Variants in RYR1 observed in about 807,000 individuals in gnomAD.
The protein encoded by RYR1 is central core disease of muscle.
A neutral mutation model predicts 583.5 loss-of-function variants in RYR1; 342 were observed. The ratio of observed to expected loss-of-function variants is 0.59; its 90% CI spans 0.54 to 0.64. The LOEUF (loss-of-function observed/expected upper bound fraction) is 0.64, where lower values mean the gene tolerates loss of function less well. RYR1 is among the 30% of genes least tolerant of loss of function. The pLI, the probability that RYR1 is intolerant of heterozygous loss-of-function variation, is 0.00. For synonymous variants in RYR1, 2,791 were observed against 2,822.5 expected, an observed-to-expected ratio of 0.99 and a Z score of 0.35; for missense variants, 6,032 against 6,917.2, an observed-to-expected ratio of 0.87 and a Z score of 4.54.
chr19:38,466,065 C>A, intron 23 of RYR1, 26 bp from the exon 24 acceptor site: 1 of 1,591,228 alleles, frequency 6.3e-7, no homozygotes, highest in South Asian at 1.1e-5. Context: ...AGGGCCTTGT[C>A]CCATGGAGCC....
At chr19:38,550,375 A>G (rs906964813) in intron 89 of RYR1, among the ~76,000 whole-genome samples, 1 of 152,128 alleles carries the variant, frequency 6.6e-6, no homozygotes, top group Non-Finnish European at 1.5e-5. Flanking sequence ...AATGTCGTTC[A>G]GTGTGGGTTT....
Position 38,478,616 on chromosome 19 carries a change from A to T in RYR1, c.4620+16A>T, listed in dbSNP as rs761716875. 6.2e-7 allele frequency: 1 copy of T among 1,607,082 alleles called. No homozygotes were observed. The highest frequency in any genetic ancestry group is 8.5e-7 in the Non-Finnish European group (1 of 1,179,938). On this transcript the variant is annotated intron_variant, in intron 31 of 105. Transcript: ENST00000359596. The stretch of plus-strand genomic sequence containing the variant: ...CTTTTTCCAGGTGAGTCCAGGCCAC[A>T]GCAATTTAGCGAGAGCATCATGTCC...
chr19:38,527,826 G>A (rs777601526), intron 73 of RYR1, 42 bp downstream of exon 73: 3 of 1,610,780 alleles, frequency 1.9e-6, no homozygotes, highest in South Asian at 2.2e-5. Flanking sequence ...GTCTCTGGGC[G>A]GAGCCTGGCG....
Position 38,507,228 on chromosome 19 carries a change from A to G in RYR1, c.8816+276A>G, listed in dbSNP as rs60530219. 0.057 allele frequency among the ~76,000 whole-genome samples: 8,234 copies of G among 144,562 alleles called. 361 individuals carry two copies. The highest frequency in any genetic ancestry group is 0.22 in the South Asian group (987 of 4,466). The allele number at this position is 144,562 out of a possible 152,430, so 94.8% of individuals were successfully genotyped here. On this transcript the variant is annotated intron_variant, in intron 57 of 105. Transcript: ENST00000359596. The stretch of plus-strand genomic sequence containing the variant: ...CCAGGGAGCAGAGGCGGGGCCAGAG[A>G]GTGGAGGAGACTGAGAGGGGCGGGG...
At chr19:38,463,023 A>G (rs540177533) in intron 20 of RYR1, among the ~76,000 whole-genome samples, 2 of 146,822 alleles carry the variant, frequency 1.4e-5, no homozygotes, top group African/African-American at 5.0e-5. Flanking sequence ...TAGCCTCCCA[A>G]GTAACTGGGA....
Position 38,460,563 on chromosome 19 carries a change from T to G in RYR1, c.2549T>G (p.Phe850Cys). The G allele has an allele frequency of 1.9e-6, 3 of 1,613,300 alleles. No homozygotes were observed. Among genetic ancestry groups the G allele is most frequent in the Non-Finnish European group, 2.5e-6 (3 of 1,180,038 alleles). Residue 850 changes from phenylalanine (F) to cysteine (C), a missense_variant, in exon 20 of 106, where the codon TTC becomes TGC. Phe to Cys is a radical substitution (Grantham distance 205). Around this residue, in one of 11 missense-constraint regions of RYR1, gnomAD observed 2,627 missense variants for 2,961.3 expected, o/e 0.89. Coordinates refer to ENST00000359596, the MANE Select transcript of RYR1 (RefSeq NM_000540.3). ...GPSRCLSHTD[F>C]VPCPVDTVQI... The stretch of plus-strand genomic sequence containing the variant: ...AGTCGCTGCCTCTCACACACCGACT[T>G]CGTGCCCTGCCCTGTGGACACTGTC...
intron 31 of RYR1, among the ~76,000 whole-genome samples, chr19:38,479,149 G>A (rs568952280): frequency 3.9e-5 from 6 of 152,284 alleles, no homozygotes; most frequent in African/African-American, 1.4e-4. Flanking sequence ...TCTCCAACCA[G>A]GGAACACGCT....
At chr19:38,501,812 T>A (rs780178509) in intron 47 of RYR1, among the ~76,000 whole-genome samples, 3 of 152,046 alleles carry the variant, frequency 2.0e-5, no homozygotes, top group African/African-American at 4.8e-5. Flanking sequence ...GGAGAGATCC[T>A]GTCTCTACAA....
Position 38,496,188 on chromosome 19 carries a change from G to T in RYR1, c.6549-27G>T. On this transcript the variant is annotated intron_variant, in intron 39 of 105. Coordinates refer to ENST00000359596, the MANE Select transcript of RYR1 (RefSeq NM_000540.3). This position sits in a 1 kb window ranked among gnomAD's most constrained non-coding sequence, Gnocchi z 4.8. The stretch of plus-strand genomic sequence containing the variant: ...CCCTCTCCGGACCTGGGCCCCTGGT[G>T]ACCCCGCACACTCTGCCCGTGCACA... 6.2e-7 allele frequency: 1 copy of T among 1,600,390 alleles called. No homozygotes were observed. The highest frequency in any genetic ancestry group is 1.1e-5 in the South Asian group (1 of 90,792).
In RYR1 at chr19:38,448,820, G is replaced by A. The variant is rs757103687; in HGVS notation, c.1122+7G>A. On this transcript the variant is annotated splice_region_variant and intron_variant, in intron 11 of 105. Transcript: ENST00000359596. ...CGGCGTGCTCAAGAAGAAGGTGGGT[G>A]TAATCCCAGCTACTCAGGAGGCTGA... 2 of 1,612,968 alleles carry A rather than the reference G, an allele frequency of 1.2e-6. No homozygotes were observed. Among genetic ancestry groups the A allele is most frequent in the African/African-American group, 1.3e-5 (1 of 75,042 alleles).
At chr19:38,571,915 T>C (rs1973731439) in intron 94 of RYR1, 104 bp from the exon 95 acceptor site, 7 of 1,535,008 alleles carry the variant, frequency 4.6e-6, no homozygotes, top group Non-Finnish European at 6.2e-6. Context: ...ACACCAAGAC[T>C]GTATCTGGTA....
chr19:38,587,550 C>T lies in RYR1; in HGVS notation c.*130C>T. On this transcript the variant is annotated 3_prime_UTR_variant, in exon 106 of 106. Coordinates refer to ENST00000359596, the MANE Select transcript of RYR1 (RefSeq NM_000540.3). Reference sequence around the variant, plus strand: ...CCTAGTACTGGAAAATAAATCTGTGCTACGCCCCCCAGCATCACTGTGTTG... The same window carrying T: ...CCTAGTACTGGAAAATAAATCTGTGTTACGCCCCCCAGCATCACTGTGTTG... 1.3e-6 allele frequency: 1 copy of T among 783,768 alleles called. No individual in the cohort carries two copies. The highest frequency in any genetic ancestry group is 1.7e-5 in the African/African-American group (1 of 58,664). 48.6% of individuals were successfully genotyped at this position (783,768 alleles called of 1,614,324 possible).
chr19:38,499,261 G>A lies in RYR1; in HGVS notation c.7027+18G>A, dbSNP rs372633323. The A allele has an allele frequency of 3.1e-6, 5 of 1,614,164 alleles. No homozygotes were observed. The highest frequency in any genetic ancestry group is 1.1e-5 in the South Asian group (1 of 91,086). On this transcript the variant is annotated intron_variant, in intron 43 of 105. Transcript: ENST00000359596. The surrounding 1 kb of genome is among the most constrained non-coding windows in gnomAD (Gnocchi z 7.3). Reference sequence around the variant, plus strand: ...CGTCAACGGTGAGGAGGGGGTGGCAGTGGCAGAGCGGGAAGTATGGAGTCA... The same window carrying A: ...CGTCAACGGTGAGGAGGGGGTGGCAATGGCAGAGCGGGAAGTATGGAGTCA...
chr19:38,499,619 C>T lies in RYR1; in HGVS notation c.7028-16C>T. On this transcript the variant is annotated splice_polypyrimidine_tract_variant and intron_variant, in intron 43 of 105. Coordinates refer to ENST00000359596, the MANE Select transcript of RYR1 (RefSeq NM_000540.3). The surrounding 1 kb of genome is among the most constrained non-coding windows in gnomAD (Gnocchi z 7.3). ...TGGTGGCTCATGAGACCCCCTTTCC[C>T]CATGCGGGTGGCCAGGCGAGAGCGT... The T allele has an allele frequency of 6.3e-7, 1 of 1,597,112 alleles. No individual in the cohort carries two copies. The highest frequency in any genetic ancestry group is 8.5e-7 in the Non-Finnish European group (1 of 1,179,794).
In RYR1 at chr19:38,528,607, C is replaced by T. The variant is rs756650555; in HGVS notation, c.10946C>T (p.Ala3649Val). The T allele has an allele frequency of 2.5e-6, 4 of 1,614,012 alleles. No homozygotes were observed. The highest frequency in any genetic ancestry group is 1.3e-5 in the African/African-American group (1 of 74,912). Reference protein sequence around the residue: ...TPLYNLPTHRACNMFLESYKA... With the variant: ...TPLYNLPTHRVCNMFLESYKA... The stretch of plus-strand genomic sequence containing the variant: ...ACACCTCTCCCCTGCAGGCACCGGG[C>T]ATGTAACATGTTCCTGGAGAGCTAC... The change falls in exon 75 of 106, where the codon GCA becomes GTA. Residue 3649 changes from alanine (A) to valine (V), a missense_variant. By Grantham distance (64) the Ala-to-Val change is moderately conservative. Coordinates refer to ENST00000359596, the MANE Select transcript of RYR1 (RefSeq NM_000540.3).
chr19:38,503,066 C>T, intron 49 of RYR1, 96 bp downstream of exon 49: 2 of 1,223,098 alleles, frequency 1.6e-6, no homozygotes, highest in Non-Finnish European at 2.4e-6. Context: ...CGGCACTGCC[C>T]AGCCCAATAA....
chr19:38,581,058 C>A (rs963067341), intron 101 of RYR1, among the ~76,000 whole-genome samples: 13 of 152,006 alleles, frequency 8.6e-5, no homozygotes, highest in African/African-American at 2.9e-4. Context: ...GCCACCACAC[C>A]CAGATACTTT....
intron 18 of RYR1, among the ~76,000 whole-genome samples, 172 bp from the exon 19 acceptor site, chr19:38,458,974 C>G (rs767796660): frequency 1.3e-5 from 2 of 152,186 alleles, no homozygotes; most frequent in Non-Finnish European, 2.9e-5. Context: ...TCAGGGGAAC[C>G]CTGACCTCTG....
At chr19:38,515,279 A>G (rs912551274) in intron 64 of RYR1, among the ~76,000 whole-genome samples, 172 bp downstream of exon 64, 2 of 152,200 alleles carry the variant, frequency 1.3e-5, no homozygotes, top group Non-Finnish European at 1.5e-5. Flanking sequence ...GGGACAGGTC[A>G]GCCACGGAGG....
Sources: allele counts gnomAD v4.1 joint callset (sites outside exome capture counted in the v4.1 genomes callset), GRCh38; gene constraint gnomAD v4.1.1; regional missense constraint gnomAD v4.1.1; non-coding constraint Gnocchi (gnomAD v3.1); transcripts MANE v1.5; gene names NCBI Gene and HGNC (gene_info 2026-07-23, HGNC 2026-07-21).